The following THOC7 variants were observed in gnomAD, a reference collection of about 807,000 sequenced individuals.
THOC7 encodes the protein NIF3L1-binding protein 1.
A neutral mutation model predicts 33.1 loss-of-function variants in THOC7; 22 were observed. The observed-to-expected ratio is 0.66, with a 90% CI of 0.47 to 0.95. The LOEUF is 0.95. THOC7 is among the 40% of genes least tolerant of loss of function. THOC7 has a pLI of 0.00. For synonymous variants in THOC7, 77 were observed against 76.8 expected (o/e 1.00, Z -0.01); for missense variants, 184 against 245.3 (o/e 0.75, Z 1.67).
At chr3:63,852,080 C>G (rs190934979) in intron 1 of THOC7, among the ~76,000 whole-genome samples, 145 of 152,260 alleles carry the variant, frequency 9.5e-4, no homozygotes, top group African/African-American at 3.3e-3. Flanking sequence ...CAAGAAGGCC[C>G]AAGTGCAGCT....
At chr3:63,861,224 T>C (rs899129918) in intron 1 of THOC7, among the ~76,000 whole-genome samples, 5 of 152,164 alleles carry the variant, frequency 3.3e-5, no homozygotes, top group African/African-American at 9.7e-5. Flanking sequence ...CTGTGGCTTT[T>C]AAGGATGTGG....
intron 1 of THOC7, among the ~76,000 whole-genome samples, chr3:63,840,540 A>G (rs1701734318): frequency 6.6e-6 from 1 of 152,212 alleles, no homozygotes; most frequent in African/African-American, 2.4e-5. Flanking sequence ...GCATTGAGCC[A>G]TGATCTCACC....
chr3:63,843,791 C>T (rs751498748), intron 1 of THOC7, among the ~76,000 whole-genome samples: 2 of 151,954 alleles, frequency 1.3e-5, no homozygotes, highest in Non-Finnish European at 2.9e-5. Context: ...GTCCCAGCTA[C>T]TCAGAAGGCT....
At chr3:63,834,531 G>A (rs2107113640) in intron 7 of THOC7, among the ~76,000 whole-genome samples, 1 of 151,954 alleles carries the variant, frequency 6.6e-6, no homozygotes, top group South Asian at 2.1e-4. Context: ...GTGGTGGCAT[G>A]CACCTGTAAT....
chr3:63,838,343 T>C lies in THOC7; in HGVS notation c.265+29A>G, dbSNP rs1486300587. 3 of 1,380,864 alleles carry C rather than the reference T, an allele frequency of 2.2e-6. No homozygotes were observed. In the African/African-American group the frequency reaches 4.4e-5, roughly 20 times the overall value. 85.5% of individuals were successfully genotyped at this position (1,380,864 alleles called of 1,614,324 possible). On this transcript the variant is annotated intron_variant, in intron 3 of 7. Transcript: ENST00000295899. ...TTCCTTTAGACCATAAAAAATAAAA[T>C]TACAGATAGAAACATTAAGATTCTT...
In THOC7 at chr3:63,851,799, C is replaced by T. The variant is rs571928042; in HGVS notation, c.19+11973G>A. On this transcript the variant is annotated intron_variant, in intron 1 of 7. Coordinates refer to ENST00000295899, the MANE Select transcript of THOC7 (RefSeq NM_025075.4). ...CTGTATATAAAGCCAGCCTCTGCTC[C>T]TCGGCTTATTGGAACACTTATTCTA... 2.0e-5 allele frequency among the ~76,000 whole-genome samples: 3 copies of T among 152,308 alleles called. No homozygotes were observed. The South Asian group carries it at 6.2e-4, about 32-fold the overall frequency.
intron 7 of THOC7, 76 bp from the exon 8 acceptor site, chr3:63,834,275 G>T: frequency 7.0e-7 from 1 of 1,423,146 alleles, no homozygotes; most frequent in Non-Finnish European, 9.8e-7. Flanking sequence ...ATGAAAACAT[G>T]TTTATCCTTT....
chr3:63,862,034 G>A (rs935799802), intron 1 of THOC7, among the ~76,000 whole-genome samples: 2 of 151,968 alleles, frequency 1.3e-5, no homozygotes, highest in African/African-American at 2.4e-5. Context: ...CAAGAGGTCC[G>A]CCTGCCTTGG....
At chr3:63,846,209 C>A (rs1216244280) in intron 1 of THOC7, 1 of 451,584 alleles carries the variant, frequency 2.2e-6, no homozygotes, top group Non-Finnish European at 4.5e-6. Flanking sequence ...TCTGAATTGC[C>A]TTTCTTCCCT....
At chr3:63,857,013 C>T (rs1463514108) in intron 1 of THOC7, among the ~76,000 whole-genome samples, 1 of 152,136 alleles carries the variant, frequency 6.6e-6, no homozygotes, top group African/African-American at 2.4e-5. Flanking sequence ...CCACCTTGCC[C>T]GGCCTCATTA....
At chr3:63,837,083 C>T (rs1055392483) in intron 4 of THOC7, among the ~76,000 whole-genome samples, 13 of 151,734 alleles carry the variant, frequency 8.6e-5, no homozygotes, top group Non-Finnish European at 1.8e-4. Flanking sequence ...AATTAAGCTT[C>T]ATCTTAATTA....
intron 1 of THOC7, among the ~76,000 whole-genome samples, chr3:63,857,725 C>T (rs1702140558): frequency 6.6e-6 from 1 of 152,160 alleles, no homozygotes. Flanking sequence ...TCTGACTGGT[C>T]TACATAAATT....
intron 5 of THOC7, among the ~76,000 whole-genome samples, chr3:63,835,717 A>G (rs1434240208): frequency 6.6e-6 from 1 of 152,066 alleles, no homozygotes; most frequent in Non-Finnish European, 1.5e-5. Flanking sequence ...AAGAAATAAA[A>G]CATTGCCAAT....
chr3:63,853,852 G>A lies in THOC7; in HGVS notation c.19+9920C>T, dbSNP rs143054990. Among the ~76,000 whole-genome samples the A allele has an allele frequency of 5.1e-3, 768 of 151,132 alleles. 6 individuals carry two copies. The highest frequency in any genetic ancestry group is 0.018 in the African/African-American group (729 of 41,124). On this transcript the variant is annotated intron_variant, in intron 1 of 7. Transcript: ENST00000295899. ...GAACCCGGGAGGTGGAGCTTGCAGTGAGCCAAGGTCGCGCCACTGCACTCC... is the reference window on the plus strand; with the variant it reads ...GAACCCGGGAGGTGGAGCTTGCAGTAAGCCAAGGTCGCGCCACTGCACTCC...
At chr3:63,842,661 A>G (rs888263691) in intron 1 of THOC7, among the ~76,000 whole-genome samples, 1 of 152,166 alleles carries the variant, frequency 6.6e-6, no homozygotes, top group Admixed American at 6.5e-5. Flanking sequence ...GGACACCAAA[A>G]CATACAGAGT....
intron 1 of THOC7, among the ~76,000 whole-genome samples, chr3:63,844,514 A>G (rs1701844510): frequency 1.3e-5 from 2 of 152,208 alleles, no homozygotes; most frequent in Non-Finnish European, 2.9e-5. Context: ...CATAAAAAAG[A>G]AGGAAGTTTA....
intron 1 of THOC7, among the ~76,000 whole-genome samples, chr3:63,862,746 T>C (rs772363714): frequency 6.6e-6 from 1 of 152,016 alleles, no homozygotes; most frequent in Non-Finnish European, 1.5e-5. Flanking sequence ...CCGGTCACCA[T>C]CTCCTGAAAA....
chr3:63,863,698 C>CGGGAGGCCAGGGGTCTCAG (rs1157435407), intron 1 of THOC7, 74 bp downstream of exon 1: 1 of 1,241,596 alleles, frequency 8.1e-7, no homozygotes, highest in African/African-American at 1.6e-5. Flanking sequence ...GGAAGCGGGC[C>CGGGAGGCCAGGGGTCTCAG]GGGAGGCCAG....
chr3:63,836,251 G>A (rs1229769349), intron 5 of THOC7, 50 bp downstream of exon 5: 1 of 1,555,092 alleles, frequency 6.4e-7, no homozygotes. Context: ...TAGTTTTCGA[G>A]CATTTATGTA....
Sources: gnomAD v4.1 joint callset for allele counts (sites outside exome capture counted in the v4.1 genomes callset) on GRCh38, gnomAD v4.1.1 for gene constraint, MANE v1.5 for transcripts, NCBI Gene and HGNC (gene_info 2026-07-23, HGNC 2026-07-21) for gene names.